INPP5F: variants seen among roughly 807,000 people sequenced by gnomAD.
INPP5F encodes inositol polyphosphate-5-phosphatase F.
In INPP5F, 97 loss-of-function variants were observed where a neutral mutation model predicts 137.2. That is an observed-to-expected ratio of 0.71 (90% CI 0.60 to 0.84). The LOEUF is 0.84. Among genes scored for constraint, INPP5F ranks in the 40% least tolerant of loss-of-function variants. INPP5F has a pLI of 0.00. For synonymous variants in INPP5F, 504 were observed against 476.9 expected (o/e 1.06, Z -0.74); for missense variants, 1,271 against 1,371.9 (o/e 0.93, Z 1.16).
In INPP5F at chr10:119,757,468, T is replaced by C. The variant is rs141033381; in HGVS notation, c.178+6312T>C. Among the ~76,000 whole-genome samples the C allele has an allele frequency of 5.6e-3, 850 of 152,020 alleles. 12 individuals carry two copies. The highest frequency in any genetic ancestry group is 0.02 in the African/African-American group (823 of 41,468). ...CTGTGAAAAATCAACATTAAAAAAA[T>C]TCATTGTAGTATCCAGGAGGAAATA... On this transcript the variant is annotated intron_variant, in intron 2 of 19. Coordinates refer to ENST00000650623, the MANE Select transcript of INPP5F (RefSeq NM_014937.4).
intron 3 of INPP5F, among the ~76,000 whole-genome samples, chr10:119,782,803 C>T (rs745546): frequency 0.052 from 7,888 of 152,148 alleles, 269 homozygotes; most frequent in South Asian, 0.21. Context: ...GCTGAGCTGC[C>T]GCCCTGTTAC....
intron 2 of INPP5F, chr10:119,768,671 C>T (rs1274940828): frequency 6.6e-6 from 1 of 152,304 alleles, no homozygotes; most frequent in Non-Finnish European, 1.5e-5. Context: ...CCCAGCCTCT[C>T]TGTGACTGTT....
At chr10:119,757,381 A>T (rs1848879472) in intron 2 of INPP5F, among the ~76,000 whole-genome samples, 1 of 151,890 alleles carries the variant, frequency 6.6e-6, no homozygotes, top group Admixed American at 6.6e-5. Context: ...ATTTATTAAT[A>T]TGAGGAACAG....
intron 15 of INPP5F, chr10:119,815,565 C>T (rs1217989145): frequency 4.4e-6 from 1 of 228,960 alleles, no homozygotes; most frequent in Non-Finnish European, 9.3e-6. Flanking sequence ...GTTGTCTTCT[C>T]TGATGTGTAA....
chr10:119,731,695 A>G (rs1218118599), intron 1 of INPP5F, among the ~76,000 whole-genome samples: 1 of 152,156 alleles, frequency 6.6e-6, no homozygotes, highest in Non-Finnish European at 1.5e-5. Context: ...AAAATTTGCA[A>G]ATTACCATGA....
At chr10:119,732,718 C>G (rs1019928046) in intron 1 of INPP5F, among the ~76,000 whole-genome samples, 4 of 151,972 alleles carry the variant, frequency 2.6e-5, no homozygotes, top group Non-Finnish European at 1.5e-5. Context: ...CCAGGTTGGT[C>G]TTGAACTCCT....
chr10:119,768,135 C>A (rs1330558943), intron 2 of INPP5F: 1 of 152,116 alleles, frequency 6.6e-6, no homozygotes, highest in Non-Finnish European at 1.5e-5. Flanking sequence ...AGAAGTCCTT[C>A]AAGAAATGTT....
intron 12 of INPP5F, 43 bp downstream of exon 12, chr10:119,806,523 G>A (rs752752045): frequency 6.6e-7 from 1 of 1,526,424 alleles, no homozygotes; most frequent in Non-Finnish European, 8.8e-7. Context: ...ATTTCGAAAT[G>A]CTTTTTTTTT....
intron 3 of INPP5F, among the ~76,000 whole-genome samples, chr10:119,784,281 A>G (rs913295463): frequency 2.6e-5 from 4 of 152,348 alleles, no homozygotes; most frequent in African/African-American, 7.2e-5. Context: ...TCAATATTCT[A>G]CTGAGTTTTG....
At position 119,806,389 on chromosome 10, in the gene INPP5F, A is replaced by T; in HGVS notation, c.1349A>T (p.Gln450Leu). 11 of 1,596,446 alleles carry T rather than the reference A, an allele frequency of 6.9e-6. No homozygotes were observed. Among genetic ancestry groups the T allele is most frequent in the Non-Finnish European group, 8.5e-6 (10 of 1,170,362 alleles). ...WVDEAGVICK[Q>L]EGIFRVNCMD... ...GATGAAGCTGGGGTAATATGTAAGC[A>T]GGAAGGGATTTTTCGTGTTAATTGT... Residue 450 changes from glutamine (Q) to leucine (L), a missense_variant, in exon 12 of 20, where the codon CAG becomes CTG. Gln to Leu is a moderately radical substitution (Grantham distance 113). This residue lies in a region of INPP5F where 593 missense variants were observed against 712.4 expected (regional missense o/e 0.83). Transcript: ENST00000650623.
chr10:119,729,679 C>CT (rs1294299238), intron 1 of INPP5F, among the ~76,000 whole-genome samples: 2 of 150,990 alleles, frequency 1.3e-5, no homozygotes, highest in Non-Finnish European at 1.5e-5. Flanking sequence ...CGGCACCAAG[C>CT]TATTCCTCCC....
At chr10:119,755,339 C>T (rs747227332) in intron 2 of INPP5F, among the ~76,000 whole-genome samples, 4 of 152,190 alleles carry the variant, frequency 2.6e-5, no homozygotes, top group Non-Finnish European at 4.4e-5. Flanking sequence ...GCCACCATCC[C>T]CTTGTGTCTT....
chr10:119,812,026 G>A, intron 15 of INPP5F, 71 bp downstream of exon 15: 1 of 1,217,500 alleles, frequency 8.2e-7, no homozygotes, highest in Non-Finnish European at 1.2e-6. Context: ...ATTAACACTG[G>A]CAGTTGTCCC....
intron 13 of INPP5F, among the ~76,000 whole-genome samples, chr10:119,808,590 GAC>G (rs1230080989): frequency 6.6e-6 from 1 of 152,196 alleles, no homozygotes; most frequent in African/African-American, 2.4e-5. Flanking sequence ...AATATTCTCT[GAC>G]ACACGTAAAT....
intron 2 of INPP5F, among the ~76,000 whole-genome samples, chr10:119,777,738 T>C (rs1410507204): frequency 2.6e-5 from 4 of 152,160 alleles, no homozygotes; most frequent in Non-Finnish European, 4.4e-5. Context: ...TGCTTGGTAA[T>C]GTCCATTCAT....
intron 1 of INPP5F, among the ~76,000 whole-genome samples, chr10:119,736,646 A>C (rs573106460): frequency 6.6e-5 from 10 of 151,934 alleles, no homozygotes; most frequent in African/African-American, 2.4e-4. Flanking sequence ...TTCCTTTTTG[A>C]GTTGCTTTGG....
chr10:119,827,869 C>A lies in INPP5F; in HGVS notation c.*89C>A. Reference sequence around the variant, plus strand: ...GTATTTTAATTGTACTGTCTGAACCCAGGGATCACAAATTCTGTTCATTGG... The same window carrying A: ...GTATTTTAATTGTACTGTCTGAACCAAGGGATCACAAATTCTGTTCATTGG... On this transcript the variant is annotated 3_prime_UTR_variant, in exon 20 of 20. Transcript: ENST00000650623. 1.0e-6 allele frequency: 1 copy of A among 979,006 alleles called. No individual in the cohort carries two copies. Among genetic ancestry groups the A allele is most frequent in the East Asian group, 2.5e-5 (1 of 40,588 alleles). 60.6% of individuals were successfully genotyped at this position (979,006 alleles called of 1,614,324 possible). A position where few individuals can be genotyped will look rare whatever the true frequency, so the allele number is the denominator to read the frequency against.
chr10:119,794,495 C>T (rs947929783), intron 6 of INPP5F, among the ~76,000 whole-genome samples: 3 of 151,984 alleles, frequency 2.0e-5, no homozygotes, highest in African/African-American at 4.8e-5. Context: ...TCCACAAAAC[C>T]GCCATTGTCA....
chr10:119,741,878 T>C (rs1344427577), intron 1 of INPP5F, among the ~76,000 whole-genome samples: 1 of 151,962 alleles, frequency 6.6e-6, no homozygotes, highest in African/African-American at 2.4e-5. Flanking sequence ...TGTTGCCGAT[T>C]AGTCAGATCT....
Sources: gnomAD v4.1 joint callset for allele counts (sites outside exome capture counted in the v4.1 genomes callset) on GRCh38, gnomAD v4.1.1 for gene constraint, gnomAD v4.1.1 regional missense constraint, MANE v1.5 for transcripts, NCBI Gene and HGNC (gene_info 2026-07-23, HGNC 2026-07-21) for gene names.